The following USP43 variants were observed in gnomAD, a reference collection of about 807,000 sequenced individuals.
The protein encoded by USP43 is ubiquitin carboxyl-terminal hydrolase 43.
In USP43, 33 loss-of-function variants were observed where a neutral mutation model predicts 90.7. That is an observed-to-expected ratio of 0.36 (90% CI 0.28 to 0.49). The LOEUF (loss-of-function observed/expected upper bound fraction) is 0.49. USP43 is among the 20% of genes least tolerant of loss of function. USP43 has a pLI of 0.98. For synonymous variants in USP43, 598 were observed against 615.8 expected (o/e 0.97, Z 0.43); for missense variants, 1,274 against 1,476.4 (o/e 0.86, Z 2.25).
chr17:9,716,783 T>A (rs1916592640), intron 14 of USP43, among the ~76,000 whole-genome samples: 1 of 152,192 alleles, frequency 6.6e-6, no homozygotes, highest in Non-Finnish European at 1.5e-5. Context: ...GCAAGTTTTG[T>A]CATGAAGCTA....
chr17:9,689,507 G>T (rs906271532), intron 8 of USP43, among the ~76,000 whole-genome samples: 1 of 151,900 alleles, frequency 6.6e-6, no homozygotes, highest in Non-Finnish European at 1.5e-5. Context: ...GAACTCCTGG[G>T]CTCAAGTGAT....
intron 2 of USP43, among the ~76,000 whole-genome samples, chr17:9,663,279 C>T (rs891070863): frequency 6.7e-5 from 10 of 150,314 alleles, no homozygotes; most frequent in Admixed American, 6.0e-4. Context: ...AGTCAAGTAC[C>T]GGTGTGGGGA....
chr17:9,681,462 T>TATATATATA (rs1555550104), intron 6 of USP43, among the ~76,000 whole-genome samples: 8 of 18,578 alleles, frequency 4.3e-4, no homozygotes, highest in Non-Finnish European at 6.9e-4. Context: ...ATAAAATATA[T>TATATATATA]TATATATATA....
chr17:9,664,722 C>A (rs1302186577), intron 2 of USP43, among the ~76,000 whole-genome samples: 1 of 151,020 alleles, frequency 6.6e-6, no homozygotes, highest in East Asian at 2.0e-4. Context: ...ACTTTAAGCT[C>A]CGCCTCCCGG....
intron 12 of USP43, among the ~76,000 whole-genome samples, chr17:9,704,333 T>C (rs9895228): frequency 0.21 from 31,984 of 151,954 alleles, 3,562 homozygotes; most frequent in East Asian, 0.28. Context: ...GATGGAATCT[T>C]GCTCTGTCAC....
At chr17:9,652,518 C>T (rs887213209) in intron 1 of USP43, among the ~76,000 whole-genome samples, 10 of 151,982 alleles carry the variant, frequency 6.6e-5, no homozygotes, top group Admixed American at 6.6e-4. Flanking sequence ...CCCGCCACCA[C>T]GTCCGGCTAA....
intron 14 of USP43, 35 bp downstream of exon 14, chr17:9,712,167 T>A (rs775967430): frequency 1.3e-6 from 2 of 1,523,378 alleles, no homozygotes; most frequent in Non-Finnish European, 1.8e-6. Context: ...TGATTTTCAT[T>A]TTCTGTAATG....
intron 8 of USP43, among the ~76,000 whole-genome samples, chr17:9,689,308 C>G (rs552379808): frequency 4.6e-5 from 7 of 152,134 alleles, no homozygotes; most frequent in African/African-American, 1.7e-4. Flanking sequence ...ATGAACTTCC[C>G]TAGCCAAGAA....
At chr17:9,677,772 C>A (rs1913883658) in intron 5 of USP43, among the ~76,000 whole-genome samples, 1 of 152,178 alleles carries the variant, frequency 6.6e-6, no homozygotes, top group South Asian at 2.1e-4. Context: ...ATATTTTTAA[C>A]CTTGTTGGGA....
chr17:9,709,883 C>G lies in USP43; in HGVS notation c.2012-73C>G. ...TGGTTTAAACATACCGCTTTTTCAG[C>G]TATGCCAGTGGGAAATGTCTTCCTA... On this transcript the variant is annotated intron_variant, in intron 12 of 14. Transcript: ENST00000285199. The surrounding 1 kb of genome is among the most constrained non-coding windows in gnomAD (Gnocchi z 5.0). 2.2e-6 allele frequency: 3 copies of G among 1,339,780 alleles called. No individual in the cohort carries two copies. The highest frequency in any genetic ancestry group is 2.9e-6 in the Non-Finnish European group (3 of 1,034,762). 83.0% of individuals were successfully genotyped at this position (1,339,780 alleles called of 1,614,324 possible).
rs372545241 is a variant in USP43, at chr17:9,652,548, A to G, written c.505-3855A>G. Among the ~76,000 whole-genome samples the G allele has an allele frequency of 7.5e-4, 114 of 152,110 alleles. No individual in the cohort carries two copies. In the South Asian group the frequency reaches 0.012, roughly 16 times the overall value. Reference sequence around the variant, plus strand: ...GGCTAATTTTTTGTATTTTTAGTAGAGACGGGGTTTCACCTTGGTAGCCAG... The same window carrying G: ...GGCTAATTTTTTGTATTTTTAGTAGGGACGGGGTTTCACCTTGGTAGCCAG... On this transcript the variant is annotated intron_variant, in intron 1 of 14. Coordinates refer to ENST00000285199, the MANE Select transcript of USP43 (RefSeq NM_153210.5).
At chr17:9,672,980 G>A (rs1385738302) in intron 3 of USP43, among the ~76,000 whole-genome samples, 2 of 152,204 alleles carry the variant, frequency 1.3e-5, no homozygotes, top group African/African-American at 4.8e-5. Context: ...CAGGAAACCT[G>A]TTCTGATACC....
chr17:9,726,505 G>C (rs1419006007), intron 14 of USP43, among the ~76,000 whole-genome samples: 1 of 152,196 alleles, frequency 6.6e-6, no homozygotes, highest in Admixed American at 6.5e-5. Flanking sequence ...ATGGGGCCCT[G>C]GAGAGGTTCT....
At chr17:9,710,419 G>A (rs534133477) in intron 13 of USP43, among the ~76,000 whole-genome samples, 21 of 150,234 alleles carry the variant, frequency 1.4e-4, no homozygotes, top group African/African-American at 4.9e-4. Flanking sequence ...TTTTTGAGGT[G>A]TATGTAATGT....
chr17:9,655,084 G>GAAAAAAAAAAAAAAAAAAAAA (rs57985388), intron 1 of USP43, among the ~76,000 whole-genome samples: 15 of 37,322 alleles, frequency 4.0e-4, no homozygotes, highest in East Asian at 1.1e-3. Flanking sequence ...AGAAAGAAAG[G>GAAAAAAAAAAAAAAAAAAAAA]AAAAAAAAAA....
At chr17:9,682,411 T>A (rs902050551) in intron 6 of USP43, among the ~76,000 whole-genome samples, 2 of 151,980 alleles carry the variant, frequency 1.3e-5, no homozygotes, top group Non-Finnish European at 1.5e-5. Context: ...CTACTAAGAA[T>A]ACAAAAAAAT....
In USP43 at chr17:9,701,402, G is replaced by A. The variant is rs773543137; in HGVS notation, c.1713G>A (p.Gln571=). The change falls in exon 12 of 15, where the codon CAG becomes CAA. Residue 571 remains glutamine (Q), a synonymous_variant. Coordinates refer to ENST00000285199, the MANE Select transcript of USP43 (RefSeq NM_153210.5). This position sits in a 1 kb window ranked among gnomAD's most constrained non-coding sequence, Gnocchi z 7.2. ...GTCCTCACTGCCAAGTCCTGCAGCA[G>A]GGGATGGTGAAGCTGAGTTTGTGGA... ...WKCPHCQVLQ[Q]GMVKLSLWTL... The A allele has an allele frequency of 2.5e-6, 4 of 1,604,056 alleles. No individual in the cohort carries two copies.
rs762673321 is a variant in USP43, at chr17:9,728,621, C to T, written c.3003C>T (p.Ser1001=). ...PLQGTLTLLR[S]VFRKKENRRN... is the part of the protein sequence containing the mutation. ...AGGGGACACTCACCCTTCTGAGGTC[C>T]GTGTTTCGGAAGAAGGAGAACAGGA... is the stretch of plus-strand genomic sequence containing the variant. The change falls in exon 15 of 15, where the codon TCC becomes TCT. Residue 1001 remains serine, a synonymous_variant. Coordinates refer to ENST00000285199, the MANE Select transcript of USP43 (RefSeq NM_153210.5). The surrounding 1 kb of genome is among the most constrained non-coding windows in gnomAD (Gnocchi z 6.2). The T allele has an allele frequency of 1.5e-5, 25 of 1,613,572 alleles. No individual in the cohort carries two copies. In the East Asian group the frequency reaches 2.5e-4, roughly 16 times the overall value.
chr17:9,666,818 T>A (rs1913064202), intron 3 of USP43, 67 bp downstream of exon 3: 6 of 1,262,790 alleles, frequency 4.8e-6, no homozygotes, highest in Non-Finnish European at 6.8e-6. Flanking sequence ...TGGTAACCAG[T>A]CTCCCATTGA....
Sources: allele counts gnomAD v4.1 joint callset (sites outside exome capture counted in the v4.1 genomes callset), GRCh38; gene constraint gnomAD v4.1.1; non-coding constraint Gnocchi (gnomAD v3.1); transcripts MANE v1.5; gene names NCBI Gene and HGNC (gene_info 2026-07-23, HGNC 2026-07-21).